Variants in CDC14A observed in about 807,000 individuals in gnomAD.
The protein encoded by CDC14A is dual specificity protein phosphatase CDC14A.
A neutral mutation model predicts 74.4 loss-of-function variants in CDC14A; 53 were observed. The ratio of observed to expected loss-of-function variants is 0.71; its 90% confidence interval spans 0.57 to 0.89. CDC14A has a LOEUF of 0.89. CDC14A is among the 40% of genes least tolerant of loss of function. CDC14A has a pLI of 0.00. For synonymous variants in CDC14A, 247 were observed against 258.4 expected, an observed-to-expected ratio of 0.96 and a Z score of 0.43; for missense variants, 646 against 713.7, an observed-to-expected ratio of 0.91 and a Z score of 1.08.
At chr1:100,488,194 A>G (rs1670243498) in intron 11 of CDC14A, among the ~76,000 whole-genome samples, 1 of 152,232 alleles carries the variant, frequency 6.6e-6, no homozygotes, top group Non-Finnish European at 1.5e-5. Context: ...TGCAAATATT[A>G]AATCAGGATC....
chr1:100,459,197 T>C (rs1196036829), intron 8 of CDC14A, among the ~76,000 whole-genome samples: 2 of 151,932 alleles, frequency 1.3e-5, no homozygotes, highest in Non-Finnish European at 2.9e-5. Flanking sequence ...AGCCTGCTCC[T>C]TTAATGAGAG....
intron 7 of CDC14A, 29 bp from the exon 8 acceptor site, chr1:100,455,376 T>C (rs771553156): frequency 3.3e-5 from 46 of 1,414,240 alleles, no homozygotes; most frequent in Non-Finnish European, 4.3e-5. Flanking sequence ...AAAATATTTT[T>C]CTTCTCTTTT....
intron 11 of CDC14A, among the ~76,000 whole-genome samples, chr1:100,491,545 TC>T (rs1670639927): frequency 2.3e-5 from 1 of 42,636 alleles, no homozygotes; most frequent in Non-Finnish European, 5.6e-5. Flanking sequence ...TCTCTCTCTC[TC>T]TCTATATATA....
intron 11 of CDC14A, among the ~76,000 whole-genome samples, chr1:100,486,413 T>A (rs563649330): frequency 6.6e-6 from 1 of 152,206 alleles, no homozygotes; most frequent in Non-Finnish European, 1.5e-5. Flanking sequence ...TATATAAGTC[T>A]ACTCCCCCGT....
At chr1:100,488,594 G>T (rs1030348957) in intron 11 of CDC14A, among the ~76,000 whole-genome samples, 1 of 152,086 alleles carries the variant, frequency 6.6e-6, no homozygotes, top group Non-Finnish European at 1.5e-5. Flanking sequence ...CTACTCTAGG[G>T]CTATAGTCCA....
chr1:100,494,608 T>C (rs570982074), intron 11 of CDC14A, among the ~76,000 whole-genome samples: 313 of 152,328 alleles, frequency 2.1e-3, no homozygotes, highest in Non-Finnish European at 3.7e-3. Flanking sequence ...CCATGCTTCA[T>C]TGATTTGGAA....
At chr1:100,447,145 T>G (rs1388413140) in intron 7 of CDC14A, among the ~76,000 whole-genome samples, 1 of 152,244 alleles carries the variant, frequency 6.6e-6, no homozygotes, top group Non-Finnish European at 1.5e-5. Flanking sequence ...ACATGAAGCC[T>G]AGGTTATATC....
At position 100,434,847 on chromosome 1, in the gene CDC14A, T is replaced by G. The variant is rs532996814; in HGVS notation, c.390-5085T>G. Among the ~76,000 whole-genome samples, 4 of 152,304 alleles carry G rather than the reference T, an allele frequency of 2.6e-5. No individual in the cohort carries two copies. In the East Asian group the frequency reaches 5.8e-4, roughly 22 times the overall value. On this transcript the variant is annotated intron_variant, in intron 5 of 15. Coordinates refer to ENST00000336454, the MANE Select transcript of CDC14A (RefSeq NM_003672.4). ...ATGTAGGTGGTTGGCTGTACTATTTTTGAAGCTTTAAGAAGGAGTTTGTGC... is the reference window on the plus strand; with the variant it reads ...ATGTAGGTGGTTGGCTGTACTATTTGTGAAGCTTTAAGAAGGAGTTTGTGC...
At chr1:100,390,324 T>A (rs1485733449) in intron 3 of CDC14A, among the ~76,000 whole-genome samples, 1 of 152,170 alleles carries the variant, frequency 6.6e-6, no homozygotes, top group Non-Finnish European at 1.5e-5. Context: ...GTTGACATTT[T>A]AAAAAATTGT....
In CDC14A at chr1:100,494,801, C is replaced by G. The variant is rs377425988; in HGVS notation, c.1138-17C>G. The G allele has an allele frequency of 6.8e-7, 1 of 1,460,300 alleles. No individual in the cohort carries two copies. The highest frequency in any genetic ancestry group is 1.7e-5 in the Admixed American group (1 of 59,276). The allele number at this position is 1,460,300 out of a possible 1,614,324, so 90.5% of individuals were successfully genotyped here. On this transcript the variant is annotated splice_polypyrimidine_tract_variant and intron_variant, in intron 11 of 15. Coordinates refer to ENST00000336454, the MANE Select transcript of CDC14A (RefSeq NM_003672.4). ...GCCAAATTTTGACCTTTCTATGGAA[C>G]GTGTATTTTTTTCCAGGATAACTTA...
Position 100,462,637 on chromosome 1 carries a change from C to G in CDC14A, c.608-14C>G, listed in dbSNP as rs532120281. On this transcript the variant is annotated splice_polypyrimidine_tract_variant and intron_variant, in intron 8 of 15. Transcript: ENST00000336454. Reference sequence around the variant, plus strand: ...AATGCATGCCTTTTGCTTACTGCTCCTTTGTTCCTTTAGGTTATCCTCTTC... The same window carrying G: ...AATGCATGCCTTTTGCTTACTGCTCGTTTGTTCCTTTAGGTTATCCTCTTC... The G allele has an allele frequency of 6.2e-7, 1 of 1,603,460 alleles. No individual in the cohort carries two copies. The highest frequency in any genetic ancestry group is 1.1e-5 in the South Asian group (1 of 90,812).
chr1:100,455,537 A>C, intron 8 of CDC14A, 45 bp downstream of exon 8: 1 of 1,073,542 alleles, frequency 9.3e-7, no homozygotes. Flanking sequence ...ATTTTGATTT[A>C]TCTTTCTAAG....
At position 100,495,979 on chromosome 1, in the gene CDC14A, G is replaced by A. The variant is rs1647721732; in HGVS notation, c.1251-23G>A. The A allele has an allele frequency of 4.3e-6, 7 of 1,609,652 alleles. No homozygotes were observed. The Admixed American group carries it at 8.3e-5, about 19-fold the overall frequency. On this transcript the variant is annotated intron_variant, in intron 12 of 15. Transcript: ENST00000336454. ...AAACGTGTGCCCTGGTGATATGTGA[G>A]CATCTGTCTTTGATTTCCGCAGGTC...
intron 15 of CDC14A, 173 bp downstream of exon 15, chr1:100,499,435 C>A: frequency 6.7e-7 from 1 of 1,498,206 alleles, no homozygotes; most frequent in South Asian, 1.4e-5. Flanking sequence ...CTGCTAGCTC[C>A]TCTTCAAGTA....
At chr1:100,390,212 G>A (rs1028928529) in intron 3 of CDC14A, among the ~76,000 whole-genome samples, 3 of 152,110 alleles carry the variant, frequency 2.0e-5, no homozygotes, top group Non-Finnish European at 4.4e-5. Flanking sequence ...CATTAACCAA[G>A]TATTTTCAGA....
At chr1:100,476,590 C>CT (rs1668929366) in intron 10 of CDC14A, among the ~76,000 whole-genome samples, 1 of 147,050 alleles carries the variant, frequency 6.8e-6, no homozygotes, top group Non-Finnish European at 1.5e-5. Context: ...CTGCCTTTTT[C>CT]TTTTCTATTT....
chr1:100,387,598 A>C (rs1188921292), intron 3 of CDC14A, among the ~76,000 whole-genome samples: 1 of 152,218 alleles, frequency 6.6e-6, no homozygotes, highest in Non-Finnish European at 1.5e-5. Flanking sequence ...GTTTCTAGGA[A>C]GATTTTGTGA....
chr1:100,440,003 T>C lies in CDC14A; in HGVS notation c.456+5T>C, dbSNP rs1324932979. The C allele has an allele frequency of 6.2e-7, 1 of 1,605,566 alleles. No homozygotes were observed. Among genetic ancestry groups the C allele is most frequent in the Non-Finnish European group, 8.5e-7 (1 of 1,172,364 alleles). On this transcript the variant is annotated splice_donor_5th_base_variant and intron_variant, in intron 6 of 15. Coordinates refer to ENST00000336454, the MANE Select transcript of CDC14A (RefSeq NM_003672.4). The stretch of plus-strand genomic sequence containing the variant: ...TGTTTGCAGGGAATCAGAAAGGTAA[T>C]AACAATTCTCCTTGCTGTAGTTGAC...
At chr1:100,377,521 G>GT (rs777893879) in intron 2 of CDC14A, 25 bp from the exon 3 acceptor site, 6 of 1,546,564 alleles carry the variant, frequency 3.9e-6, no homozygotes, top group Non-Finnish European at 5.3e-6. Flanking sequence ...TAAATACTAC[G>GT]TTTTTTGTTT....
Sources: allele counts gnomAD v4.1 joint callset (sites outside exome capture counted in the v4.1 genomes callset), GRCh38; gene constraint gnomAD v4.1.1; transcripts MANE v1.5; gene names NCBI Gene and HGNC (gene_info 2026-07-23, HGNC 2026-07-21).